Variants in SHB observed in about 807,000 individuals in gnomAD.
SHB encodes the protein SH2 domain-containing adapter protein B.
A neutral mutation model predicts 52.3 loss-of-function variants in SHB; 20 were observed. That is an observed-to-expected ratio of 0.38 (90% CI 0.27 to 0.56). The LOEUF (loss-of-function observed/expected upper bound fraction) is 0.56. Ranked by LOEUF, SHB falls within the 20% of genes least tolerant of loss-of-function variation. The pLI, the probability that SHB is intolerant of heterozygous loss-of-function variation, is 0.71. For missense variants in SHB, 825 were observed against 723.3 expected, an observed-to-expected ratio of 1.14 and a Z score of -1.61; for synonymous variants, 397 against 316.5, an observed-to-expected ratio of 1.25 and a Z score of -2.70.
intron 5 of SHB, among the ~76,000 whole-genome samples, chr9:37,947,004 G>A (rs1832499793): frequency 6.6e-6 from 1 of 152,186 alleles, no homozygotes. Context: ...GCCTGGTGGT[G>A]TGCACGCCCC....
At chr9:37,923,075 G>A (rs1832202246) in intron 5 of SHB, among the ~76,000 whole-genome samples, 1 of 152,208 alleles carries the variant, frequency 6.6e-6, no homozygotes. Context: ...CTGAAGCACC[G>A]AGGTGCAGAA....
intron 2 of SHB, among the ~76,000 whole-genome samples, chr9:37,999,193 G>A (rs1820983543): frequency 6.6e-6 from 1 of 152,108 alleles, no homozygotes; most frequent in Admixed American, 6.5e-5. Flanking sequence ...AGATCTCTGA[G>A]CAGGAAAGTA....
intron 5 of SHB, among the ~76,000 whole-genome samples, chr9:37,937,427 T>C (rs1286282335): frequency 2.0e-5 from 3 of 151,956 alleles, no homozygotes; most frequent in Non-Finnish European, 4.4e-5. Context: ...CAATTGTTTC[T>C]GATATTCCTC....
intron 1 of SHB, among the ~76,000 whole-genome samples, chr9:38,057,980 G>A (rs899039269): frequency 6.6e-6 from 1 of 152,212 alleles, no homozygotes; most frequent in Non-Finnish European, 1.5e-5. Context: ...CAACATAGCA[G>A]GTGGCCTCTT....
At chr9:37,954,972 G>A (rs1360990793) in intron 4 of SHB, among the ~76,000 whole-genome samples, 2 of 152,144 alleles carry the variant, frequency 1.3e-5, no homozygotes, top group African/African-American at 4.8e-5. Flanking sequence ...GACCTTGGGG[G>A]CAGCATGGAT....
chr9:37,989,040 CA>C (rs1279317290), intron 2 of SHB, among the ~76,000 whole-genome samples: 1 of 100,526 alleles, frequency 9.9e-6, no homozygotes, highest in Non-Finnish European at 2.0e-5. Context: ...TCACATGATC[CA>C]TTTTTTTTTT....
At chr9:37,998,748 T>G (rs187848551) in intron 2 of SHB, among the ~76,000 whole-genome samples, 76 of 152,366 alleles carry the variant, frequency 5.0e-4, no homozygotes, top group Non-Finnish European at 9.8e-4. Flanking sequence ...CTGCCCTGCC[T>G]GTCCTCGAAA....
intron 1 of SHB, among the ~76,000 whole-genome samples, chr9:38,035,614 C>T (rs1821476541): frequency 1.3e-5 from 2 of 152,078 alleles, no homozygotes; most frequent in South Asian, 4.1e-4. Flanking sequence ...GCAATGCCCA[C>T]GGTGGGGTAG....
At chr9:37,987,127 G>C (rs1249001968) in intron 2 of SHB, among the ~76,000 whole-genome samples, 2 of 152,230 alleles carry the variant, frequency 1.3e-5, no homozygotes, top group African/African-American at 4.8e-5. Flanking sequence ...GAACCTCAGA[G>C]GGGCTGTGGT....
intron 1 of SHB, among the ~76,000 whole-genome samples, chr9:38,044,487 T>G (rs947646075): frequency 1.3e-5 from 2 of 152,206 alleles, no homozygotes; most frequent in African/African-American, 2.4e-5. Context: ...CCTTTGCAGA[T>G]CACACACAAG....
At chr9:38,056,228 C>T (rs1160896776) in intron 1 of SHB, among the ~76,000 whole-genome samples, 1 of 151,946 alleles carries the variant, frequency 6.6e-6, no homozygotes, top group Non-Finnish European at 1.5e-5. Context: ...AATAAGATGA[C>T]AACCATACCT....
chr9:37,972,156 C>A (rs1222379142), intron 3 of SHB, among the ~76,000 whole-genome samples: 1 of 152,166 alleles, frequency 6.6e-6, no homozygotes, highest in Non-Finnish European at 1.5e-5. Context: ...CCACACCTGC[C>A]TGTGGTGCTG....
chr9:37,974,623 T>G lies in SHB; in HGVS notation c.1053A>C (p.Ala351=). ...EWNRVTIPAL[A]AQFNGNEKRQ... is the part of the protein sequence containing the mutation. ...CTGAGCAGGGTCAGGGCTCCTTACC[T>G]GCCAGGGCTGGGATGGTGACCCGGT... Residue 351 remains alanine (A), a splice_region_variant and synonymous_variant, in exon 3 of 6, where the codon GCA becomes GCC. Coordinates refer to ENST00000377707, the MANE Select transcript of SHB (RefSeq NM_003028.3). The G allele has an allele frequency of 1.2e-6, 2 of 1,612,150 alleles. No individual in the cohort carries two copies. The highest frequency in any genetic ancestry group is 1.7e-6 in the Non-Finnish European group (2 of 1,179,716).
chr9:38,068,721 G>A lies in SHB; in HGVS notation c.-76C>T, dbSNP rs1403354974. On this transcript the variant is annotated 5_prime_UTR_variant, in exon 1 of 6. Coordinates refer to ENST00000377707, the MANE Select transcript of SHB (RefSeq NM_003028.3). ...GCCATTCGGGGGGCAGCGCTGCGGC[G>A]CAGGTCCCTCGGCGCCCCGGCCCCG... is the stretch of plus-strand genomic sequence containing the variant. The A allele has an allele frequency of 7.4e-6, 8 of 1,085,328 alleles. No individual in the cohort carries two copies. The East Asian group carries it at 2.0e-4, about 27-fold the overall frequency. 67.2% of individuals were successfully genotyped at this position (1,085,328 alleles called of 1,614,324 possible).
intron 1 of SHB, among the ~76,000 whole-genome samples, chr9:38,044,227 C>T (rs1380916632): frequency 1.3e-5 from 2 of 152,258 alleles, no homozygotes; most frequent in Non-Finnish European, 2.9e-5. Flanking sequence ...GAGCGCGACA[C>T]ATGTTGTGCA....
intron 1 of SHB, among the ~76,000 whole-genome samples, chr9:38,019,231 AC>A (rs542722026): frequency 5.6e-4 from 85 of 152,332 alleles, no homozygotes; most frequent in Admixed American, 2.6e-3. Context: ...CCAGGCAAGC[AC>A]CTTTCTTGCT....
intron 2 of SHB, among the ~76,000 whole-genome samples, chr9:37,978,640 C>G (rs979757118): frequency 1.3e-5 from 2 of 152,194 alleles, no homozygotes; most frequent in Non-Finnish European, 2.9e-5. Context: ...ACAGGGAATT[C>G]TGCTCCTTGC....
intron 1 of SHB, among the ~76,000 whole-genome samples, chr9:38,049,933 G>C (rs551892536): frequency 6.6e-6 from 1 of 152,088 alleles, no homozygotes; most frequent in African/African-American, 2.4e-5. Flanking sequence ...CCAAGTAGCT[G>C]GGATTACAGG....
At chr9:37,923,301 G>A (rs1054948967) in intron 5 of SHB, among the ~76,000 whole-genome samples, 1 of 152,258 alleles carries the variant, frequency 6.6e-6, no homozygotes, top group Non-Finnish European at 1.5e-5. Flanking sequence ...CGCCCATGGT[G>A]CAGGGCTGAC....
Sources: gnomAD v4.1 joint callset for allele counts (sites outside exome capture counted in the v4.1 genomes callset) on GRCh38, gnomAD v4.1.1 for gene constraint, MANE v1.5 for transcripts, NCBI Gene and HGNC (gene_info 2026-07-23, HGNC 2026-07-21) for gene names.